ME1: variants seen among roughly 807,000 people sequenced by gnomAD.
ME1 encodes NADP-dependent malic enzyme.
Under a neutral mutation model 66.4 loss-of-function variants are expected in ME1, and 74 were observed. That is an observed-to-expected ratio of 1.11 (90% CI 0.92 to 1.35). ME1 has a LOEUF of 1.35. Among genes scored for constraint, ME1 ranks in the 40% most tolerant of loss-of-function variants. The pLI is 0.00. For missense variants in ME1, 750 were observed against 694.1 expected (o/e 1.08, Z -0.90); for synonymous variants, 251 against 235.6 (o/e 1.07, Z -0.60).
At chr6:83,346,685 G>C (rs973101755) in intron 4 of ME1, among the ~76,000 whole-genome samples, 1 of 152,192 alleles carries the variant, frequency 6.6e-6, no homozygotes, top group African/African-American at 2.4e-5. Context: ...TTTTGAGCAA[G>C]AGTGTCCTTA....
chr6:83,407,835 T>G lies in ME1; in HGVS notation c.145A>C (p.Asn49His). 6.2e-7 allele frequency: 1 copy of G among 1,613,502 alleles called. No homozygotes were observed. Among genetic ancestry groups the G allele is most frequent in the Non-Finnish European group, 8.5e-7 (1 of 1,179,842 alleles). Residue 49 changes from asparagine to histidine, a missense_variant, in exon 2 of 14, where the codon AAC becomes CAC. Physicochemically the swap from Asn to His is moderately conservative, Grantham distance 68 (BLOSUM62 1). Transcript: ENST00000369705. The part of the protein sequence containing the change: ...NIHGLLPPSF[N>H]SQEIQVLRVV... ...CTAAGAACCTGGATCTCCTGACTGT[T>G]GAAGGAAGGTGGCAACAATCCATGA...
intron 7 of ME1, among the ~76,000 whole-genome samples, chr6:83,241,407 C>T (rs1790506004): frequency 6.6e-6 from 1 of 152,074 alleles, no homozygotes; most frequent in Non-Finnish European, 1.5e-5. Context: ...TTATTTACAT[C>T]GAATTGGACA....
chr6:83,297,036 C>T (rs1767610602), intron 6 of ME1, among the ~76,000 whole-genome samples: 1 of 152,112 alleles, frequency 6.6e-6, no homozygotes, highest in African/African-American at 2.4e-5. Context: ...GAATAAACTT[C>T]TCATTCAACA....
Position 83,251,974 on chromosome 6 carries a change from T to C in ME1, c.814+1655A>G, listed in dbSNP as rs926919691. On this transcript the variant is annotated intron_variant, in intron 7 of 13. Coordinates refer to ENST00000369705, the MANE Select transcript of ME1 (RefSeq NM_002395.6). ...TTGTAGAGATATTATGCAGAAAACA[T>C]ATAAGAAGGGGAAGCAAGAGTAAAT... 5.3e-5 allele frequency among the ~76,000 whole-genome samples: 8 copies of C among 152,228 alleles called. No homozygotes were observed. The East Asian group carries it at 5.8e-4, about 11-fold the overall frequency.
intron 3 of ME1, chr6:83,392,391 T>C (rs556826297): frequency 1.1e-4 from 57 of 502,306 alleles, no homozygotes; most frequent in South Asian, 8.1e-4. Flanking sequence ...TTCTCGTGCA[T>C]TGCCAGCTGC....
At chr6:83,393,697 GTTAGTAC>G (rs944738392) in intron 3 of ME1, among the ~76,000 whole-genome samples, 9 of 151,566 alleles carry the variant, frequency 5.9e-5, no homozygotes, top group South Asian at 2.1e-4. Context: ...ATTTATCATT[GTTAGTAC>G]TTAGTATCTC....
At chr6:83,393,480 G>A in intron 3 of ME1, 1 of 465,366 alleles carries the variant, frequency 2.1e-6, no homozygotes, top group South Asian at 2.7e-5. Flanking sequence ...GAGAGTCCCT[G>A]CCACACTCAG....
At chr6:83,214,924 C>A (rs73749758) in intron 13 of ME1, among the ~76,000 whole-genome samples, 2,375 of 152,200 alleles carry the variant, frequency 0.016, 57 homozygotes, top group African/African-American at 0.055. Context: ...AATCTTTTGG[C>A]ACTCCCCTGC....
intron 1 of ME1, among the ~76,000 whole-genome samples, chr6:83,425,018 G>C (rs1286064995): frequency 1.3e-5 from 2 of 152,104 alleles, no homozygotes; most frequent in Non-Finnish European, 2.9e-5. Context: ...GTTTTGCTTT[G>C]TTTTGTTTTT....
chr6:83,327,743 T>G (rs1395724597), intron 5 of ME1, among the ~76,000 whole-genome samples: 2 of 152,202 alleles, frequency 1.3e-5, no homozygotes, highest in East Asian at 1.9e-4. Context: ...AAGTACTTGA[T>G]GTCTGTCACC....
At chr6:83,408,406 C>T (rs748088979) in intron 1 of ME1, among the ~76,000 whole-genome samples, 1 of 152,140 alleles carries the variant, frequency 6.6e-6, no homozygotes, top group African/African-American at 2.4e-5. Context: ...CCTAGGCATA[C>T]AAAACTTCTC....
At chr6:83,387,388 G>A (rs1188049626) in intron 3 of ME1, among the ~76,000 whole-genome samples, 2 of 151,902 alleles carry the variant, frequency 1.3e-5, no homozygotes, top group Non-Finnish European at 2.9e-5. Context: ...TTCTTTTTAA[G>A]CTTCTTTTCT....
At chr6:83,397,449 C>A (rs938860116) in intron 3 of ME1, among the ~76,000 whole-genome samples, 1 of 152,074 alleles carries the variant, frequency 6.6e-6, no homozygotes, top group Non-Finnish European at 1.5e-5. Flanking sequence ...CTTGTTAGAA[C>A]GGCTATACCA....
intron 6 of ME1, among the ~76,000 whole-genome samples, chr6:83,272,815 T>A (rs1767109338): frequency 6.6e-6 from 1 of 152,216 alleles, no homozygotes; most frequent in South Asian, 2.1e-4. Context: ...TATTTATATG[T>A]GTATTTATGG....
chr6:83,239,761 G>A (rs746728608), intron 7 of ME1, 125 bp from the exon 8 acceptor site: 12 of 639,572 alleles, frequency 1.9e-5, no homozygotes, highest in Non-Finnish European at 3.3e-5. Flanking sequence ...ACCTGTGGTT[G>A]TCTTATCCCA....
chr6:83,424,817 G>T (rs575787219), intron 1 of ME1, among the ~76,000 whole-genome samples: 2 of 152,200 alleles, frequency 1.3e-5, no homozygotes, highest in South Asian at 4.2e-4. Flanking sequence ...CAAAATCAAG[G>T]TGTCTGGAGG....
At chr6:83,330,097 GGT>G (rs962628233) in intron 5 of ME1, among the ~76,000 whole-genome samples, 1 of 152,200 alleles carries the variant, frequency 6.6e-6, no homozygotes, top group African/African-American at 2.4e-5. Flanking sequence ...TGGGATTACA[GGT>G]GTGAGTCACT....
At chr6:83,357,902 C>CT (rs1768921889) in intron 3 of ME1, among the ~76,000 whole-genome samples, 11 of 31,558 alleles carry the variant, frequency 3.5e-4, no homozygotes, top group African/African-American at 4.2e-4. Context: ...AATAAACTCC[C>CT]CTCTCTCTCT....
At chr6:83,331,034 C>A (rs1304976484) in intron 5 of ME1, among the ~76,000 whole-genome samples, 1 of 152,122 alleles carries the variant, frequency 6.6e-6, no homozygotes, top group Non-Finnish European at 1.5e-5. Context: ...AAACTAGACA[C>A]AGAAAAGCTG....
Sources: gnomAD v4.1 joint callset for allele counts (sites outside exome capture counted in the v4.1 genomes callset) on GRCh38, gnomAD v4.1.1 for gene constraint, MANE v1.5 for transcripts, NCBI Gene and HGNC (gene_info 2026-07-23, HGNC 2026-07-21) for gene names.